The following GTF2F2 variants were observed in gnomAD, a reference collection of about 807,000 sequenced individuals.
GTF2F2 encodes ATP-dependent helicase GTF2F2.
Under a neutral mutation model 42.2 loss-of-function variants are expected in GTF2F2, and 23 were observed. The observed-to-expected ratio is 0.55, with a 90% CI of 0.39 to 0.77. The LOEUF is 0.77. GTF2F2 is among the 30% of genes least tolerant of loss of function. The pLI, the probability that GTF2F2 is intolerant of heterozygous loss-of-function variation, is 0.00. For missense variants in GTF2F2, 261 were observed against 287.2 expected (o/e 0.91, Z 0.66); for synonymous variants, 105 against 100.8 (o/e 1.04, Z -0.25).
rs1429926718 is a variant in GTF2F2, at chr13:45,283,610, G to A, written c.*49G>A. The A allele has an allele frequency of 2.6e-6, 4 of 1,516,016 alleles. No homozygotes were observed. The highest frequency in any genetic ancestry group is 3.5e-6 in the Non-Finnish European group (4 of 1,129,660). 93.9% of individuals were successfully genotyped at this position (1,516,016 alleles called of 1,614,324 possible). A position where few individuals can be genotyped will look rare whatever the true frequency, so the allele number is the denominator to read the frequency against. On this transcript the variant is annotated 3_prime_UTR_variant, in exon 8 of 8. Coordinates refer to ENST00000340473, the MANE Select transcript of GTF2F2 (RefSeq NM_004128.3). ...GTGAAACGACTAGCAGCGATGCTAT[G>A]CAAAAGGCGCTGATACTGGAAGGCT... is the stretch of plus-strand genomic sequence containing the variant.
At chr13:45,245,481 A>G (rs1311488832) in intron 5 of GTF2F2, among the ~76,000 whole-genome samples, 1 of 151,696 alleles carries the variant, frequency 6.6e-6, no homozygotes, top group Admixed American at 6.6e-5. Flanking sequence ...CACATCCCCA[A>G]AAGTCATTGT....
chr13:45,189,624 G>A (rs144286218), intron 4 of GTF2F2, among the ~76,000 whole-genome samples: 1 of 152,308 alleles, frequency 6.6e-6, no homozygotes, highest in Non-Finnish European at 1.5e-5. Flanking sequence ...GTCTCATTGT[G>A]GTTTTGATTT....
chr13:45,177,496 C>G (rs1319658337), intron 4 of GTF2F2, among the ~76,000 whole-genome samples: 1 of 152,152 alleles, frequency 6.6e-6, no homozygotes, highest in Non-Finnish European at 1.5e-5. Flanking sequence ...GATGTGAATC[C>G]TCCCTTTGTC....
chr13:45,167,484 G>A (rs1180955877), intron 4 of GTF2F2, among the ~76,000 whole-genome samples: 8 of 144,238 alleles, frequency 5.5e-5, no homozygotes, highest in Admixed American at 2.9e-4. Flanking sequence ...TGCAACCTCC[G>A]CCTCCCAGGT....
intron 4 of GTF2F2, among the ~76,000 whole-genome samples, chr13:45,176,337 C>G (rs972595149): frequency 5.3e-5 from 8 of 152,102 alleles, no homozygotes; most frequent in African/African-American, 1.9e-4. Flanking sequence ...AAAATCTTAA[C>G]TGTTATGGTG....
chr13:45,138,156 C>A (rs1279588006), intron 2 of GTF2F2, among the ~76,000 whole-genome samples: 1 of 152,106 alleles, frequency 6.6e-6, no homozygotes, highest in African/African-American at 2.4e-5. Flanking sequence ...TAGTTTCTTG[C>A]TAAGCCCCTT....
At chr13:45,145,133 G>A (rs1005260949) in intron 2 of GTF2F2, among the ~76,000 whole-genome samples, 1 of 152,058 alleles carries the variant, frequency 6.6e-6, no homozygotes, top group African/African-American at 2.4e-5. Flanking sequence ...AAAAATTCAT[G>A]CCTTTCATCC....
chr13:45,281,790 T>C (rs1221734832), intron 7 of GTF2F2, among the ~76,000 whole-genome samples: 4 of 152,248 alleles, frequency 2.6e-5, no homozygotes, highest in Non-Finnish European at 5.9e-5. Flanking sequence ...AAAAATTACA[T>C]CTTCCATCAA....
chr13:45,156,461 G>A (rs1382716600), intron 4 of GTF2F2, among the ~76,000 whole-genome samples: 1 of 152,116 alleles, frequency 6.6e-6, no homozygotes, highest in Non-Finnish European at 1.5e-5. Context: ...CTATCTAAAA[G>A]TTCATTAAAT....
intron 5 of GTF2F2, among the ~76,000 whole-genome samples, chr13:45,247,347 A>C (rs2138241717): frequency 6.6e-6 from 1 of 151,638 alleles, no homozygotes; most frequent in South Asian, 2.1e-4. Flanking sequence ...AAATTAAATT[A>C]AGCTTCCTGA....
intron 7 of GTF2F2, among the ~76,000 whole-genome samples, chr13:45,273,849 G>A (rs1876909543): frequency 1.3e-5 from 2 of 152,036 alleles, no homozygotes; most frequent in African/African-American, 2.4e-5. Context: ...ACTGTCTGCT[G>A]CTGGTTTCTT....
intron 1 of GTF2F2, among the ~76,000 whole-genome samples, chr13:45,127,809 T>C (rs1869105535): frequency 6.6e-6 from 1 of 151,658 alleles, no homozygotes; most frequent in Admixed American, 6.6e-5. Context: ...ATTTTTGTAT[T>C]TTTGGTAGAG....
chr13:45,164,174 GGAGGCT>G (rs943521733), intron 4 of GTF2F2, among the ~76,000 whole-genome samples: 2 of 152,110 alleles, frequency 1.3e-5, no homozygotes, highest in African/African-American at 4.8e-5. Context: ...CAGCTACTTG[GGAGGCT>G]GAGGCACGAG....
intron 4 of GTF2F2, among the ~76,000 whole-genome samples, chr13:45,164,439 G>A (rs148450987): frequency 1.5e-4 from 23 of 152,208 alleles, no homozygotes; most frequent in African/African-American, 4.8e-4. Flanking sequence ...AAGTAAAGAA[G>A]TAGCAGCCCT....
chr13:45,230,174 C>A (rs1874603800), intron 5 of GTF2F2, among the ~76,000 whole-genome samples: 1 of 151,800 alleles, frequency 6.6e-6, no homozygotes, highest in Non-Finnish European at 1.5e-5. Context: ...CAAGATCGCA[C>A]CACTGCACTC....
intron 1 of GTF2F2, among the ~76,000 whole-genome samples, chr13:45,125,454 G>T (rs970385248): frequency 1.3e-5 from 2 of 152,066 alleles, no homozygotes; most frequent in African/African-American, 4.8e-5. Flanking sequence ...CGAGTAGCTG[G>T]GGCTACAGGC....
intron 5 of GTF2F2, among the ~76,000 whole-genome samples, chr13:45,231,120 A>T (rs7998244): frequency 0.35 from 53,598 of 151,356 alleles, 12,841 homozygotes; most frequent in African/African-American, 0.68. Flanking sequence ...TTTATTTATT[A>T]ATTTTGAGAC....
At chr13:45,190,312 G>GT (rs1178035768) in intron 4 of GTF2F2, among the ~76,000 whole-genome samples, 2 of 152,118 alleles carry the variant, frequency 1.3e-5, no homozygotes, top group East Asian at 3.8e-4. Flanking sequence ...TTCACTCAAT[G>GT]TTTTAGGAAT....
At chr13:45,280,069 A>G (rs1877198586) in intron 7 of GTF2F2, among the ~76,000 whole-genome samples, 1 of 152,246 alleles carries the variant, frequency 6.6e-6, no homozygotes, top group Non-Finnish European at 1.5e-5. Flanking sequence ...TGAGAAAGTA[A>G]CATTTGAGCC....
Sources: allele counts gnomAD v4.1 joint callset (sites outside exome capture counted in the v4.1 genomes callset), GRCh38; gene constraint gnomAD v4.1.1; transcripts MANE v1.5; gene names NCBI Gene and HGNC (gene_info 2026-07-23, HGNC 2026-07-21).